SLC35F3: variants seen among roughly 807,000 people sequenced by gnomAD.
The protein encoded by SLC35F3 is solute carrier family 35 member F3, also known as putative thiamine transporter SLC35F3.
SLC35F3 carries 25 observed loss-of-function variants against 49.9 expected under a neutral mutation model. That is an observed-to-expected ratio of 0.50 (90% CI 0.37 to 0.70). The LOEUF (loss-of-function observed/expected upper bound fraction) is 0.70, where lower values mean the gene tolerates loss of function less well. SLC35F3 is among the 30% of genes least tolerant of loss of function. SLC35F3 has a pLI of 0.00. For missense variants in SLC35F3, 525 were observed against 639.8 expected (o/e 0.82, Z 1.94); for synonymous variants, 275 against 265.4 (o/e 1.04, Z -0.35).
chr1:233,932,054 A>C (rs887058758), intron 2 of SLC35F3, among the ~76,000 whole-genome samples: 1 of 152,170 alleles, frequency 6.6e-6, no homozygotes, highest in African/African-American at 2.4e-5. Context: ...CAGAAAACCA[A>C]ACACCACATA....
chr1:234,239,771 T>C (rs981109975), intron 3 of SLC35F3, among the ~76,000 whole-genome samples: 4 of 152,248 alleles, frequency 2.6e-5, no homozygotes, highest in African/African-American at 9.6e-5. Context: ...TAAGAACATA[T>C]GCTTGCCATT....
intron 2 of SLC35F3, among the ~76,000 whole-genome samples, chr1:233,964,988 C>T (rs1662878892): frequency 6.6e-6 from 1 of 152,134 alleles, no homozygotes; most frequent in African/African-American, 2.4e-5. Context: ...CAATCCCTGA[C>T]CATGGCCAGT....
At chr1:234,150,652 A>G (rs1345907491) in intron 2 of SLC35F3, among the ~76,000 whole-genome samples, 1 of 152,200 alleles carries the variant, frequency 6.6e-6, no homozygotes, top group Admixed American at 6.5e-5. Flanking sequence ...AGGTATGGAG[A>G]GGATTCTGGG....
At chr1:234,035,107 G>T (rs915515823) in intron 2 of SLC35F3, among the ~76,000 whole-genome samples, 2 of 152,016 alleles carry the variant, frequency 1.3e-5, no homozygotes, top group Non-Finnish European at 2.9e-5. Context: ...CCTGCCTTCC[G>T]ATCCCTGCAT....
intron 2 of SLC35F3, among the ~76,000 whole-genome samples, chr1:234,082,509 A>C (rs549769005): frequency 1.0e-3 from 157 of 152,302 alleles, no homozygotes; most frequent in Middle Eastern, 3.4e-3. Context: ...TTATGTAAAG[A>C]CTGTGTCTGG....
intron 2 of SLC35F3, among the ~76,000 whole-genome samples, chr1:234,118,381 C>T (rs768706031): frequency 5.3e-5 from 8 of 152,160 alleles, no homozygotes; most frequent in Non-Finnish European, 1.2e-4. Context: ...ACCCCCATCC[C>T]TAACTTTTTA....
At chr1:234,297,610 G>C (rs1302363255) in intron 3 of SLC35F3, among the ~76,000 whole-genome samples, 2 of 152,136 alleles carry the variant, frequency 1.3e-5, no homozygotes, top group Admixed American at 1.3e-4. Flanking sequence ...CGGGCACAGT[G>C]GCTCACGCCT....
rs905330348 is a variant in SLC35F3 at position 234,231,037 on chromosome 1, G to A, written c.284-380G>A. 6.6e-6 allele frequency among the ~76,000 whole-genome samples: 1 copy of A among 152,198 alleles called. No individual in the cohort carries two copies. The highest frequency in any genetic ancestry group is 1.5e-5 in the Non-Finnish European group (1 of 68,036). Reference sequence around the variant, plus strand: ...CATAAATGAGAGTGGAGATATTTCAGCTGCTCTGTGTGTTCTGGAGGAGTG... The same window carrying A: ...CATAAATGAGAGTGGAGATATTTCAACTGCTCTGTGTGTTCTGGAGGAGTG... On this transcript the variant is annotated intron_variant, in intron 2 of 7. Coordinates refer to ENST00000366618, the MANE Select transcript of SLC35F3 (RefSeq NM_173508.4). This position sits in a 1 kb window ranked among gnomAD's most constrained non-coding sequence, Gnocchi z 5.4.
chr1:233,932,174 A>G (rs1377979739), intron 2 of SLC35F3, among the ~76,000 whole-genome samples: 9 of 152,174 alleles, frequency 5.9e-5, no homozygotes, highest in Admixed American at 5.9e-4. Flanking sequence ...GAGGGAGAGC[A>G]TTAGGAGAAA....
chr1:234,160,189 G>A (rs771352555), intron 2 of SLC35F3, among the ~76,000 whole-genome samples: 18 of 152,156 alleles, frequency 1.2e-4, no homozygotes, highest in Non-Finnish European at 2.5e-4. Flanking sequence ...GATTATCTTT[G>A]AGGACAGAAA....
intron 2 of SLC35F3, among the ~76,000 whole-genome samples, chr1:234,215,961 C>A (rs184190677): frequency 7.9e-5 from 12 of 152,316 alleles, no homozygotes; most frequent in African/African-American, 2.6e-4. Context: ...AACTACTTAC[C>A]TATTTCTCAA....
intron 2 of SLC35F3, among the ~76,000 whole-genome samples, chr1:234,062,247 A>G (rs1387753341): frequency 6.6e-6 from 1 of 152,114 alleles, no homozygotes; most frequent in Non-Finnish European, 1.5e-5. Flanking sequence ...TTCTGATGTT[A>G]TTCTTTGGTG....
intron 2 of SLC35F3, among the ~76,000 whole-genome samples, chr1:233,990,199 A>T (rs1018849261): frequency 1.3e-5 from 2 of 152,294 alleles, no homozygotes; most frequent in South Asian, 4.1e-4. Flanking sequence ...TTCACAATGG[A>T]CATAATAGTA....
chr1:234,288,272 G>A (rs949034373), intron 3 of SLC35F3, among the ~76,000 whole-genome samples: 2 of 152,128 alleles, frequency 1.3e-5, no homozygotes, highest in Admixed American at 1.3e-4. Context: ...CTTTCCCCAA[G>A]CCAGGAGCAG....
chr1:233,931,376 A>G (rs1330719009), intron 2 of SLC35F3, among the ~76,000 whole-genome samples: 4 of 152,166 alleles, frequency 2.6e-5, no homozygotes, highest in Admixed American at 2.6e-4. Context: ...GAAAATTTTT[A>G]CAATCTATCC....
At chr1:234,173,928 T>C (rs934469406) in intron 2 of SLC35F3, among the ~76,000 whole-genome samples, 1 of 152,220 alleles carries the variant, frequency 6.6e-6, no homozygotes, top group Non-Finnish European at 1.5e-5. Flanking sequence ...TTTTCTCCTC[T>C]GGAGCCTGGG....
At chr1:234,171,463 G>A (rs1483353112) in intron 2 of SLC35F3, among the ~76,000 whole-genome samples, 1 of 152,182 alleles carries the variant, frequency 6.6e-6, no homozygotes, top group Non-Finnish European at 1.5e-5. Context: ...ACAGAGGGGG[G>A]TGTCTGTGCA....
At chr1:234,062,317 CT>C (rs1449081319) in intron 2 of SLC35F3, among the ~76,000 whole-genome samples, 1 of 152,198 alleles carries the variant, frequency 6.6e-6, no homozygotes, top group Non-Finnish European at 1.5e-5. Flanking sequence ...GCAAAGCTAT[CT>C]TTGACTTTTT....
At chr1:234,322,245 C>G (rs564834168) in intron 7 of SLC35F3, among the ~76,000 whole-genome samples, 37 of 150,946 alleles carry the variant, frequency 2.5e-4, no homozygotes, top group African/African-American at 8.3e-4. Flanking sequence ...AGAATGGGGG[C>G]ACAAACCCCT....
Sources: allele counts gnomAD v4.1 joint callset (sites outside exome capture counted in the v4.1 genomes callset), GRCh38; gene constraint gnomAD v4.1.1; non-coding constraint Gnocchi (gnomAD v3.1); transcripts MANE v1.5; gene names NCBI Gene and HGNC (gene_info 2026-07-23, HGNC 2026-07-21).